The following COL23A1 variants were observed in gnomAD, a reference collection of about 807,000 sequenced individuals.
COL23A1 encodes collagen alpha-1(XXIII) chain.
COL23A1 carries 97 observed loss-of-function variants against 99.3 expected under a neutral mutation model. That is an observed-to-expected ratio of 0.98 (90% CI 0.83 to 1.16). The LOEUF (loss-of-function observed/expected upper bound fraction) is 1.16. Ranked by LOEUF, COL23A1 falls within the 50% of genes most tolerant of loss-of-function variation. COL23A1 has a pLI of 0.00. For missense variants in COL23A1, 762 were observed against 757.4 expected (o/e 1.01, Z -0.07); for synonymous variants, 320 against 308.2 (o/e 1.04, Z -0.40).
intron 2 of COL23A1, among the ~76,000 whole-genome samples, chr5:178,484,694 T>A (rs575307838): frequency 2.4e-4 from 36 of 151,714 alleles, no homozygotes; most frequent in Non-Finnish European, 5.2e-4. Context: ...TGGTGGTGGG[T>A]GCCTGTAGTC....
intron 2 of COL23A1, among the ~76,000 whole-genome samples, chr5:178,358,725 ATGTG>A (rs752563850): frequency 1.2e-4 from 17 of 139,732 alleles, no homozygotes; most frequent in African/African-American, 4.0e-4. Context: ...GTGTATGTGT[ATGTG>A]TGTATGTGTA....
At chr5:178,364,461 G>A (rs972268686) in intron 2 of COL23A1, among the ~76,000 whole-genome samples, 31 of 110,284 alleles carry the variant, frequency 2.8e-4, no homozygotes, top group African/African-American at 8.9e-4. Flanking sequence ...GGTGGGGCCC[G>A]CCTGTGCAGA....
At chr5:178,458,659 A>AAAAC (rs371316905) in intron 2 of COL23A1, among the ~76,000 whole-genome samples, 9 of 151,364 alleles carry the variant, frequency 5.9e-5, no homozygotes, top group Admixed American at 3.3e-4. Context: ...CACAAGAAAC[A>AAAAC]AAACAAACAA....
chr5:178,527,842 G>A (rs371317298), intron 2 of COL23A1, among the ~76,000 whole-genome samples: 1 of 152,328 alleles, frequency 6.6e-6, no homozygotes, highest in African/African-American at 2.4e-5. Context: ...GCAGCGTCTT[G>A]TTCCTCAGAT....
intron 5 of COL23A1, among the ~76,000 whole-genome samples, chr5:178,282,599 G>A (rs926545056): frequency 1.3e-5 from 2 of 152,226 alleles, no homozygotes; most frequent in Admixed American, 6.5e-5. Flanking sequence ...CAAGCAGGCC[G>A]TGTGTCTCAG....
At chr5:178,579,139 G>A (rs953301245) in intron 1 of COL23A1, among the ~76,000 whole-genome samples, 2 of 152,062 alleles carry the variant, frequency 1.3e-5, no homozygotes, top group Non-Finnish European at 2.9e-5. Context: ...GCAGAATCCC[G>A]GTGTTAAAAG....
intron 22 of COL23A1, among the ~76,000 whole-genome samples, chr5:178,246,768 G>T (rs1474316871): frequency 6.6e-6 from 1 of 152,204 alleles, no homozygotes; most frequent in Admixed American, 6.5e-5. Context: ...GCGGGAGGCA[G>T]CAGAGCTGGG....
intron 2 of COL23A1, among the ~76,000 whole-genome samples, chr5:178,498,915 C>G (rs1758376846): frequency 7.2e-6 from 1 of 139,386 alleles, no homozygotes; most frequent in Non-Finnish European, 1.6e-5. Flanking sequence ...CGGTGAAACC[C>G]CATCTCTTCT....
intron 2 of COL23A1, among the ~76,000 whole-genome samples, chr5:178,398,195 G>A (rs1764249585): frequency 6.6e-6 from 1 of 152,230 alleles, no homozygotes; most frequent in Non-Finnish European, 1.5e-5. Flanking sequence ...AAAAGTGACA[G>A]AGCCTTTGAA....
At chr5:178,421,410 A>G (rs1005651406) in intron 2 of COL23A1, among the ~76,000 whole-genome samples, 12 of 152,154 alleles carry the variant, frequency 7.9e-5, no homozygotes, top group Admixed American at 3.9e-4. Context: ...GGGAGTAATT[A>G]TATCTGTGTA....
At chr5:178,559,186 A>G (rs1318536886) in intron 2 of COL23A1, among the ~76,000 whole-genome samples, 1 of 152,222 alleles carries the variant, frequency 6.6e-6, no homozygotes, top group Non-Finnish European at 1.5e-5. Flanking sequence ...GGCTAGCTCA[A>G]GCTCAACCAT....
At chr5:178,334,025 G>T (rs189736549) in intron 2 of COL23A1, among the ~76,000 whole-genome samples, 1 of 152,136 alleles carries the variant, frequency 6.6e-6, no homozygotes, top group Non-Finnish European at 1.5e-5. Flanking sequence ...CTCCACAGGG[G>T]AGTAGCTGGG....
At chr5:178,437,008 G>A (rs1157161007) in intron 2 of COL23A1, among the ~76,000 whole-genome samples, 3 of 152,176 alleles carry the variant, frequency 2.0e-5, no homozygotes, top group Non-Finnish European at 4.4e-5. Flanking sequence ...AAGATCACAA[G>A]GCTGTGTAGA....
intron 2 of COL23A1, among the ~76,000 whole-genome samples, chr5:178,551,559 T>C (rs899532967): frequency 4.7e-4 from 71 of 152,286 alleles, no homozygotes; most frequent in African/African-American, 1.4e-3. Flanking sequence ...TTCAGGCTTC[T>C]CTGTCTTCTC....
chr5:178,290,866 A>G lies in COL23A1; in HGVS notation c.407-497T>C, dbSNP rs567617395. Among the ~76,000 whole-genome samples the G allele has an allele frequency of 5.3e-5, 8 of 152,310 alleles. No individual in the cohort carries two copies. In the South Asian group the frequency reaches 1.7e-3, roughly 32 times the overall value. On this transcript the variant is annotated intron_variant, in intron 3 of 28. Coordinates refer to ENST00000390654, the MANE Select transcript of COL23A1 (RefSeq NM_173465.4). Reference sequence around the variant, plus strand: ...CCAGGGTTAGAAATGCATGAGGAGTAGCAGGGCCTGGGGCTGCAGCTGAGG... The same window carrying G: ...CCAGGGTTAGAAATGCATGAGGAGTGGCAGGGCCTGGGGCTGCAGCTGAGG...
rs150838671 is a variant in COL23A1 at position 178,403,072 on chromosome 5, G to T, written c.362-96153C>A. ...TGAAGTGAGCTGAGGTCGTGCCACG[G>T]CACTCCAGCCTGGGCAACAGAGAGA... is the stretch of plus-strand genomic sequence containing the variant. On this transcript the variant is annotated intron_variant, in intron 2 of 28. Coordinates refer to ENST00000390654, the MANE Select transcript of COL23A1 (RefSeq NM_173465.4). Among the ~76,000 whole-genome samples, 208 of 133,668 alleles carry T rather than the reference G, an allele frequency of 1.6e-3. 1 individual carries two copies. Among genetic ancestry groups the T allele is most frequent in the African/African-American group, 5.5e-3 (196 of 35,780 alleles). 87.7% of individuals were successfully genotyped at this position (133,668 alleles called of 152,430 possible). A position where few individuals can be genotyped will look rare whatever the true frequency, so the allele number is the denominator to read the frequency against.
chr5:178,379,476 C>A (rs922630740), intron 2 of COL23A1, among the ~76,000 whole-genome samples: 1 of 152,092 alleles, frequency 6.6e-6, no homozygotes, highest in Admixed American at 6.6e-5. Flanking sequence ...ATGAAGGCAG[C>A]CTTTGACACA....
At chr5:178,289,294 T>C (rs1757326095) in intron 4 of COL23A1, among the ~76,000 whole-genome samples, 1 of 152,194 alleles carries the variant, frequency 6.6e-6, no homozygotes, top group Admixed American at 6.5e-5. Flanking sequence ...GTGGATTAAC[T>C]GGGATTTACC....
intron 5 of COL23A1, among the ~76,000 whole-genome samples, chr5:178,287,100 C>A (rs868030393): frequency 6.6e-6 from 1 of 152,230 alleles, no homozygotes; most frequent in Admixed American, 6.5e-5. Context: ...CCCAAAGGTC[C>A]GGGCTGCCGT....
Sources: allele counts gnomAD v4.1 joint callset (sites outside exome capture counted in the v4.1 genomes callset), GRCh38; gene constraint gnomAD v4.1.1; transcripts MANE v1.5; gene names NCBI Gene and HGNC (gene_info 2026-07-23, HGNC 2026-07-21).